Variants in GALNT13 observed in about 807,000 individuals in gnomAD.
GALNT13 encodes the protein polypeptide N-acetylgalactosaminyltransferase 13.
GALNT13 carries 28 observed loss-of-function variants against 64.2 expected under a neutral mutation model. That is an observed-to-expected ratio of 0.44 (90% CI 0.32 to 0.60). GALNT13 has a LOEUF of 0.60. Ranked by LOEUF, GALNT13 falls within the 20% of genes least tolerant of loss-of-function variation. GALNT13 has a pLI of 0.05. For synonymous variants in GALNT13, 214 were observed against 224.6 expected, an observed-to-expected ratio of 0.95 and a Z score of 0.42; for missense variants, 577 against 669.8, an observed-to-expected ratio of 0.86 and a Z score of 1.53.
chr2:153,906,491 CAG>C (rs1688575264), intron 2 of GALNT13, among the ~76,000 whole-genome samples: 1 of 150,462 alleles, frequency 6.6e-6, no homozygotes, highest in Non-Finnish European at 1.5e-5. Context: ...TGAGAACATG[CAG>C]TGTTTGGTTT....
intron 8 of GALNT13, among the ~76,000 whole-genome samples, chr2:154,279,863 T>C (rs1691864249): frequency 6.6e-6 from 1 of 152,140 alleles, no homozygotes; most frequent in Non-Finnish European, 1.5e-5. Flanking sequence ...GTGGGTTTCT[T>C]GAATAAGTAC....
intron 3 of GALNT13, among the ~76,000 whole-genome samples, chr2:153,957,097 C>T (rs1321282360): frequency 1.3e-5 from 2 of 152,114 alleles, no homozygotes; most frequent in African/African-American, 4.8e-5. Flanking sequence ...TATTTATAAA[C>T]CAATTTGATA....
chr2:153,126,338 A>ATATATT, the GALNT13 span, among the ~76,000 whole-genome samples: 32 of 64,230 alleles, frequency 5.0e-4, no homozygotes, highest in African/African-American at 1.5e-3. Flanking sequence ...ATATATATAT[A>ATATATT]TATATATATG....
chr2:154,152,058 G>A lies in GALNT13; in HGVS notation c.311+11553G>A, dbSNP rs1329374297. Reference sequence around the variant, plus strand: ...CTTTACAATTTGGCATGTTTTTGCAGTGGCTGGTACCGGTTGTTCCTTTCC... The same window carrying A: ...CTTTACAATTTGGCATGTTTTTGCAATGGCTGGTACCGGTTGTTCCTTTCC... On this transcript the variant is annotated intron_variant, in intron 4 of 12. Coordinates refer to ENST00000392825, the MANE Select transcript of GALNT13 (RefSeq NM_052917.4). Among the ~76,000 whole-genome samples, 8 of 152,304 alleles carry A rather than the reference G, an allele frequency of 5.3e-5. No individual in the cohort carries two copies. The East Asian group carries it at 7.7e-4, about 15-fold the overall frequency.
At chr2:153,150,640 A>C in the GALNT13 span, among the ~76,000 whole-genome samples, 12 of 152,124 alleles carry the variant, frequency 7.9e-5, no homozygotes, top group Middle Eastern at 3.4e-3. Context: ...ATCCTGAATT[A>C]ATTTTTGTAT....
intron 3 of GALNT13, among the ~76,000 whole-genome samples, chr2:154,029,265 G>C (rs1301726321): frequency 6.6e-6 from 1 of 150,838 alleles, no homozygotes; most frequent in Non-Finnish European, 1.5e-5. Flanking sequence ...AGAAGTACAG[G>C]AATCACTCCG....
the GALNT13 span, among the ~76,000 whole-genome samples, chr2:153,362,651 A>G: frequency 1.3e-5 from 2 of 151,850 alleles, no homozygotes; most frequent in African/African-American, 2.4e-5. Flanking sequence ...AGGATATTAT[A>G]TAATGGTAAA....
In GALNT13 at chr2:153,872,208, G is replaced by T. The variant is rs1263091365; in HGVS notation, c.-272G>T. 6.6e-6 allele frequency: 1 copy of T among 151,498 alleles called. No homozygotes were observed. The highest frequency in any genetic ancestry group is 2.4e-5 in the African/African-American group (1 of 41,318). The allele number at this position is 151,498 out of a possible 1,614,324, so 9.4% of individuals were successfully genotyped here. On this transcript the variant is annotated 5_prime_UTR_variant, in exon 1 of 13. Transcript: ENST00000392825. ...GCGGACTCGGCGAGCCCCGCACTCG[G>T]CGCGGCCGGCCGGCGCCTGCTGGGC...
intron 3 of GALNT13, among the ~76,000 whole-genome samples, chr2:154,104,038 G>C (rs769587513): frequency 5.9e-5 from 9 of 152,130 alleles, no homozygotes; most frequent in Non-Finnish European, 1.3e-4. Context: ...AGTTCATGGT[G>C]AGATGTGCTG....
chr2:153,893,618 A>G (rs965718981), intron 1 of GALNT13, among the ~76,000 whole-genome samples: 8 of 151,948 alleles, frequency 5.3e-5, no homozygotes, highest in Non-Finnish European at 7.4e-5. Flanking sequence ...AAACAACTTT[A>G]TTCTCCATAT....
At chr2:153,239,230 T>A in the GALNT13 span, among the ~76,000 whole-genome samples, 1 of 152,170 alleles carries the variant, frequency 6.6e-6, no homozygotes, top group East Asian at 1.9e-4. Context: ...AATGTTTATT[T>A]CTTGTTGGCG....
intron 11 of GALNT13, among the ~76,000 whole-genome samples, chr2:154,416,777 T>C (rs1281496407): frequency 6.6e-6 from 1 of 152,160 alleles, no homozygotes; most frequent in Non-Finnish European, 1.5e-5. Context: ...AGTCTTAGGA[T>C]ACTTTTACAT....
rs116296987 is a variant in GALNT13 at position 154,063,448 on chromosome 2, C to G, written c.143-76889C>G. Among the ~76,000 whole-genome samples the G allele has an allele frequency of 2.7e-3, 412 of 152,192 alleles. 1 individual carries two copies. Among genetic ancestry groups the G allele is most frequent in the African/African-American group, 9.5e-3 (393 of 41,530 alleles). On this transcript the variant is annotated intron_variant, in intron 3 of 12. Transcript: ENST00000392825. ...CCCACAGATTTGTAATACTAGGTGACTTGGTAGAAATTCTGCTGGAATTTT... is the reference window on the plus strand; with the variant it reads ...CCCACAGATTTGTAATACTAGGTGAGTTGGTAGAAATTCTGCTGGAATTTT...
chr2:153,174,496 G>T, the GALNT13 span, among the ~76,000 whole-genome samples: 1 of 150,078 alleles, frequency 6.7e-6, no homozygotes, highest in South Asian at 2.1e-4. Flanking sequence ...AATGTGGATA[G>T]GCTGAGAATT....
the GALNT13 span, among the ~76,000 whole-genome samples, chr2:153,128,352 A>G: frequency 6.6e-6 from 1 of 152,200 alleles, no homozygotes; most frequent in African/African-American, 2.4e-5. Flanking sequence ...AGGCAAAGAA[A>G]GAGCTTGTGC....
chr2:153,901,448 C>T (rs1467972263), intron 2 of GALNT13, among the ~76,000 whole-genome samples: 2 of 152,126 alleles, frequency 1.3e-5, no homozygotes, highest in African/African-American at 4.8e-5. Context: ...TTCTTCCTGT[C>T]CATGAGCATG....
chr2:153,508,264 T>C, the GALNT13 span, among the ~76,000 whole-genome samples: 2 of 152,108 alleles, frequency 1.3e-5, no homozygotes, highest in Non-Finnish European at 2.9e-5. Flanking sequence ...GGCAGGGCCA[T>C]AGAGCTCCCA....
chr2:153,287,374 A>G, the GALNT13 span, among the ~76,000 whole-genome samples: 3 of 152,310 alleles, frequency 2.0e-5, no homozygotes, highest in South Asian at 6.2e-4. Context: ...TAGTCAGCTC[A>G]GTTAGACCCT....
chr2:153,879,144 A>T (rs1262184671), intron 1 of GALNT13, among the ~76,000 whole-genome samples: 1 of 152,178 alleles, frequency 6.6e-6, no homozygotes, highest in African/African-American at 2.4e-5. Context: ...TTAACAAAAC[A>T]CAGCAATTAC....
Sources: gnomAD v4.1 joint callset for allele counts (sites outside exome capture counted in the v4.1 genomes callset) on GRCh38, gnomAD v4.1.1 for gene constraint, MANE v1.5 for transcripts, NCBI Gene and HGNC (gene_info 2026-07-23, HGNC 2026-07-21) for gene names.